Variants in IL1RAPL1 observed in about 807,000 individuals in gnomAD.
The protein encoded by IL1RAPL1 is interleukin 1 receptor accessory protein like 1, also known as interleukin-1 receptor accessory protein-like 1.
In IL1RAPL1, 3 loss-of-function variants were observed where a neutral mutation model predicts 48.4. That is an observed-to-expected ratio of 0.06 (90% CI 0.03 to 0.16). The LOEUF (loss-of-function observed/expected upper bound fraction) is 0.16, where lower values mean the gene tolerates loss of function less well. Ranked by LOEUF, IL1RAPL1 falls within the 10% of genes least tolerant of loss-of-function variation. The pLI is 1.00. For missense variants in IL1RAPL1, 349 were observed against 530.6 expected, an observed-to-expected ratio of 0.66 and a Z score of 3.36; for synonymous variants, 185 against 187.7, an observed-to-expected ratio of 0.99 and a Z score of 0.12.
intron 5 of IL1RAPL1, among the ~76,000 whole-genome samples, chrX:29,622,045 C>G (rs757144586): frequency 2.5e-3 from 279 of 112,345 alleles, no homozygotes; most frequent in Non-Finnish European, 3.5e-3. Flanking sequence ...TTTCACTTAA[C>G]ATATTGACCT....
intron 2 of IL1RAPL1, among the ~76,000 whole-genome samples, chrX:28,988,385 G>T (rs1025772219): frequency 9.0e-6 from 1 of 110,763 alleles, no homozygotes; most frequent in Admixed American, 9.6e-5. Flanking sequence ...ACTGTTTTTG[G>T]CTGGCTGCCA....
intron 2 of IL1RAPL1, among the ~76,000 whole-genome samples, chrX:28,821,559 G>C (rs943104790): frequency 1.8e-5 from 2 of 111,714 alleles, no homozygotes; most frequent in Non-Finnish European, 3.8e-5. Flanking sequence ...GCAGTACATT[G>C]TGATGTGGGT....
intron 2 of IL1RAPL1, among the ~76,000 whole-genome samples, chrX:29,241,811 C>T (rs1280881593): frequency 1.8e-5 from 2 of 112,082 alleles, no homozygotes; most frequent in Middle Eastern, 4.6e-3. Context: ...AGAAAATTGA[C>T]AGCAAAGTGT....
chrX:29,252,276 G>GAAAAA (rs1208250005), intron 2 of IL1RAPL1, among the ~76,000 whole-genome samples: 26 of 46,318 alleles, frequency 5.6e-4, no homozygotes, highest in Non-Finnish European at 1.1e-3. Context: ...AATAGTAAAA[G>GAAAAA]AAAAAAGAAA....
At chrX:29,160,205 T>A (rs1243497594) in intron 2 of IL1RAPL1, among the ~76,000 whole-genome samples, 1 of 112,099 alleles carries the variant, frequency 8.9e-6, no homozygotes, top group East Asian at 2.8e-4. Context: ...TTCTCAGATA[T>A]ATTCACAGCA....
intron 6 of IL1RAPL1, among the ~76,000 whole-genome samples, chrX:29,903,159 C>CAT (rs1932528653): frequency 2.0e-5 from 2 of 99,708 alleles, no homozygotes; most frequent in African/African-American, 7.4e-5. Flanking sequence ...CATTTGTCTC[C>CAT]GTGTGTGTGT....
intron 2 of IL1RAPL1, among the ~76,000 whole-genome samples, chrX:29,080,948 C>CTTTTCT (rs200013368): frequency 6.9e-5 from 3 of 43,234 alleles, no homozygotes; most frequent in Admixed American, 6.3e-4. Flanking sequence ...TTCTTTCTTT[C>CTTTTCT]TTTCTTTCTT....
At chrX:29,372,545 A>G (rs1933559090) in intron 3 of IL1RAPL1, among the ~76,000 whole-genome samples, 1 of 111,430 alleles carries the variant, frequency 9.0e-6, no homozygotes, top group African/African-American at 3.3e-5. Flanking sequence ...TCATAGTTTG[A>G]GGCCTTACAT....
chrX:29,383,617 G>A (rs1182228297), intron 3 of IL1RAPL1, among the ~76,000 whole-genome samples: 1 of 111,902 alleles, frequency 8.9e-6, no homozygotes, highest in Non-Finnish European at 1.9e-5. Flanking sequence ...TTATTGCCGA[G>A]TAAAGTTACT....
intron 6 of IL1RAPL1, among the ~76,000 whole-genome samples, chrX:29,740,122 GA>G (rs1172511347): frequency 0.07 from 3,653 of 52,266 alleles, 170 homozygotes; most frequent in African/African-American, 0.18. Context: ...CAAAAAAACA[GA>G]AAAAAAAAAA....
chrX:29,755,443 GT>G (rs1416921233), intron 6 of IL1RAPL1, among the ~76,000 whole-genome samples: 1 of 111,072 alleles, frequency 9.0e-6, no homozygotes, highest in African/African-American at 3.3e-5. Context: ...CAAGACCTCA[GT>G]TTTTCAATAT....
intron 3 of IL1RAPL1, among the ~76,000 whole-genome samples, chrX:29,299,795 T>G (rs1932504791): frequency 8.9e-6 from 1 of 112,249 alleles, no homozygotes; most frequent in Non-Finnish European, 1.9e-5. Context: ...GTTACTATGG[T>G]TTGGATGTTT....
chrX:29,603,265 C>CAAA (rs36018587), intron 5 of IL1RAPL1, among the ~76,000 whole-genome samples: 3 of 62,859 alleles, frequency 4.8e-5, no homozygotes, highest in East Asian at 4.9e-4. Context: ...GACTCTATCT[C>CAAA]AAAAAAAAAA....
At chrX:29,453,169 GCC>G in intron 5 of IL1RAPL1, among the ~76,000 whole-genome samples, 1 of 109,134 alleles carries the variant, frequency 9.2e-6, no homozygotes, top group South Asian at 4.0e-4. Flanking sequence ...CAAGTGATCC[GCC>G]ACCTCGGCCT....
intron 2 of IL1RAPL1, among the ~76,000 whole-genome samples, chrX:28,815,839 G>GTATATATATATATATATATA (rs61436993): frequency 3.4e-5 from 1 of 29,109 alleles, no homozygotes; most frequent in Non-Finnish European, 7.7e-5. Context: ...GTGTGTTTAT[G>GTATATATATATATATATATA]TATATATATA....
At chrX:28,950,911 G>A (rs1330588876) in intron 2 of IL1RAPL1, among the ~76,000 whole-genome samples, 1 of 107,934 alleles carries the variant, frequency 9.3e-6, no homozygotes, top group African/African-American at 3.4e-5. Flanking sequence ...AGAAAATGTG[G>A]CACATATACA....
chrX:28,596,642 G>T (rs1933958778), intron 1 of IL1RAPL1, among the ~76,000 whole-genome samples: 1 of 111,450 alleles, frequency 9.0e-6, no homozygotes, highest in East Asian at 2.8e-4. Flanking sequence ...AATATAAAAT[G>T]GTCTCGTATT....
intron 6 of IL1RAPL1, among the ~76,000 whole-genome samples, chrX:29,752,103 TAC>T (rs1193856797): frequency 2.1e-5 from 2 of 96,399 alleles, no homozygotes; most frequent in African/African-American, 7.8e-5. Context: ...TATATATATA[TAC>T]ACACATATAT....
intron 6 of IL1RAPL1, among the ~76,000 whole-genome samples, chrX:29,885,870 T>C (rs909807578): frequency 1.8e-5 from 2 of 111,469 alleles, no homozygotes; most frequent in Non-Finnish European, 3.8e-5. Flanking sequence ...ACTATGAAAA[T>C]TCAAGCAGTC....
Sources: gnomAD v4.1 joint callset for allele counts (sites outside exome capture counted in the v4.1 genomes callset) on GRCh38, gnomAD v4.1.1 for gene constraint, MANE v1.5 for transcripts, NCBI Gene and HGNC (gene_info 2026-07-23, HGNC 2026-07-21) for gene names.